SDC2: variants seen among roughly 807,000 people sequenced by gnomAD.
SDC2 encodes the protein syndecan-2.
In SDC2, 13 loss-of-function variants were observed where a neutral mutation model predicts 22.2. The observed-to-expected ratio is 0.59, with a 90% CI of 0.38 to 0.93. The LOEUF (loss-of-function observed/expected upper bound fraction) is 0.93, where lower values mean the gene tolerates loss of function less well. Among genes scored for constraint, SDC2 ranks in the 40% least tolerant of loss-of-function variants. The pLI, the probability that SDC2 is intolerant of heterozygous loss-of-function variation, is 0.00. For synonymous variants in SDC2, 94 were observed against 92.8 expected (o/e 1.01, Z -0.07); for missense variants, 235 against 246.8 (o/e 0.95, Z 0.32).
At chr8:96,494,560 G>A (rs907177380) in intron 1 of SDC2, among the ~76,000 whole-genome samples, 1 of 152,222 alleles carries the variant, frequency 6.6e-6, no homozygotes, top group African/African-American at 2.4e-5. Context: ...TGGGGGCACC[G>A]AGAATTGCGG....
chr8:96,589,395 TTTGTTTGTTTGTTTGTTTG>T (rs1249431872), intron 1 of SDC2, among the ~76,000 whole-genome samples: 1 of 148,748 alleles, frequency 6.7e-6, no homozygotes, highest in African/African-American at 2.5e-5. Context: ...GTTTTGTTTG[TTTGTTTGTTTGTTTGTTTG>T]TTGTTTGTTT....
chr8:96,523,682 C>T (rs534994976), intron 1 of SDC2, among the ~76,000 whole-genome samples: 88 of 152,252 alleles, frequency 5.8e-4, no homozygotes, highest in Admixed American at 7.8e-4. Flanking sequence ...GGTTATAAAA[C>T]GTTGGTTTAA....
chr8:96,540,546 GC>G (rs1813831986), intron 1 of SDC2, among the ~76,000 whole-genome samples: 1 of 150,882 alleles, frequency 6.6e-6, no homozygotes, highest in African/African-American at 2.4e-5. Context: ...CTTCAGTTGG[GC>G]CTGCCTCTGC....
chr8:96,561,943 A>G (rs949278444), intron 1 of SDC2, among the ~76,000 whole-genome samples: 1 of 152,072 alleles, frequency 6.6e-6, no homozygotes, highest in African/African-American at 2.4e-5. Context: ...CTAGTCTGTG[A>G]CTTGTCTTCT....
At chr8:96,576,506 G>T (rs372277161) in intron 1 of SDC2, among the ~76,000 whole-genome samples, 1 of 86,006 alleles carries the variant, frequency 1.2e-5, no homozygotes, top group African/African-American at 3.9e-5. Context: ...TGCAAGCTCC[G>T]CCTCCCGGAT....
intron 1 of SDC2, among the ~76,000 whole-genome samples, chr8:96,518,273 A>T (rs534574449): frequency 1.5e-4 from 23 of 151,172 alleles, no homozygotes; most frequent in African/African-American, 4.4e-4. Context: ...TGCCTGACAG[A>T]AAAAAAAAGA....
intron 1 of SDC2, among the ~76,000 whole-genome samples, chr8:96,528,145 T>A (rs1279301736): frequency 6.6e-6 from 1 of 152,198 alleles, no homozygotes; most frequent in Non-Finnish European, 1.5e-5. Context: ...TTAAAAAATC[T>A]ATTTATATCT....
intron 1 of SDC2, among the ~76,000 whole-genome samples, chr8:96,540,138 A>T (rs1401468118): frequency 2.0e-5 from 3 of 151,660 alleles, no homozygotes; most frequent in Non-Finnish European, 4.4e-5. Context: ...GTCTGTTCAG[A>T]ATCTCAAGGA....
intron 1 of SDC2, among the ~76,000 whole-genome samples, chr8:96,583,259 C>T (rs1205550591): frequency 1.6e-5 from 2 of 128,394 alleles, no homozygotes; most frequent in Non-Finnish European, 3.3e-5. Flanking sequence ...GCTCATGACA[C>T]TTGCTTTAGA....
rs867031372 is a variant in SDC2, at chr8:96,562,186, T to C, written c.61-31294T>C. Among the ~76,000 whole-genome samples the C allele has an allele frequency of 3.3e-5, 5 of 152,198 alleles. No individual in the cohort carries two copies. The South Asian group carries it at 1.0e-3, about 31-fold the overall frequency. Reference sequence around the variant, plus strand: ...ATTTTTGTGAAGAGTTTTTAAGATCTATGTCTAGATTCATTTTGTTTTTGC... The same window carrying C: ...ATTTTTGTGAAGAGTTTTTAAGATCCATGTCTAGATTCATTTTGTTTTTGC... On this transcript the variant is annotated intron_variant, in intron 1 of 4. Coordinates refer to ENST00000302190, the MANE Select transcript of SDC2 (RefSeq NM_002998.4).
intron 1 of SDC2, among the ~76,000 whole-genome samples, chr8:96,568,396 A>G (rs1188952808): frequency 1.3e-5 from 2 of 152,262 alleles, no homozygotes; most frequent in South Asian, 4.1e-4. Flanking sequence ...CCTGTCAGAC[A>G]TACCAATCGA....
chr8:96,562,648 G>A (rs757569402), intron 1 of SDC2, among the ~76,000 whole-genome samples: 1 of 152,188 alleles, frequency 6.6e-6, no homozygotes, highest in African/African-American at 2.4e-5. Context: ...GCAAAATTTT[G>A]TATAGCTACT....
chr8:96,566,671 AT>A (rs201080064), intron 1 of SDC2, among the ~76,000 whole-genome samples: 1,738 of 150,384 alleles, frequency 0.012, 35 homozygotes, highest in African/African-American at 0.035. Context: ...TTATTAAATA[AT>A]TTTTTATTTT....
chr8:96,601,063 A>T (rs1003451616), intron 2 of SDC2, among the ~76,000 whole-genome samples: 45 of 152,256 alleles, frequency 3.0e-4, no homozygotes, highest in Admixed American at 2.3e-3. Context: ...GAATAGCCAG[A>T]GAGGTGAGGG....
chr8:96,500,428 G>A (rs1331410719), intron 1 of SDC2, among the ~76,000 whole-genome samples: 1 of 152,026 alleles, frequency 6.6e-6, no homozygotes, highest in African/African-American at 2.4e-5. Flanking sequence ...TTGGGAGGCC[G>A]AGGTGGGCCA....
At chr8:96,513,039 A>G (rs1273242444) in intron 1 of SDC2, among the ~76,000 whole-genome samples, 1 of 152,154 alleles carries the variant, frequency 6.6e-6, no homozygotes, top group African/African-American at 2.4e-5. Context: ...TCATTACACA[A>G]AGGATTTGAG....
At chr8:96,607,412 G>A (rs1428141228) in intron 3 of SDC2, among the ~76,000 whole-genome samples, 2 of 152,150 alleles carry the variant, frequency 1.3e-5, no homozygotes, top group Non-Finnish European at 2.9e-5. Flanking sequence ...TGACAGTGCT[G>A]TGACATGGAA....
intron 1 of SDC2, among the ~76,000 whole-genome samples, chr8:96,550,759 A>G (rs542062416): frequency 6.6e-6 from 1 of 152,336 alleles, no homozygotes; most frequent in South Asian, 2.1e-4. Flanking sequence ...TTGTAGATTA[A>G]CTCACAAATC....
At chr8:96,535,638 G>A (rs550709562) in intron 1 of SDC2, among the ~76,000 whole-genome samples, 2 of 152,330 alleles carry the variant, frequency 1.3e-5, no homozygotes, top group South Asian at 4.1e-4. Flanking sequence ...TATCGACTTC[G>A]ATTTGGGAGA....
Sources: allele counts gnomAD v4.1 joint callset (sites outside exome capture counted in the v4.1 genomes callset), GRCh38; gene constraint gnomAD v4.1.1; transcripts MANE v1.5; gene names NCBI Gene and HGNC (gene_info 2026-07-23, HGNC 2026-07-21).